MAP3K5: variants seen among roughly 807,000 people sequenced by gnomAD.
MAP3K5 encodes mitogen-activated protein kinase kinase kinase 5, also known as ASK-1.
MAP3K5 carries 56 observed loss-of-function variants against 158.7 expected under a neutral mutation model. The ratio of observed to expected loss-of-function variants is 0.35; its 90% CI spans 0.28 to 0.44. The LOEUF (loss-of-function observed/expected upper bound fraction) is 0.44. MAP3K5 is among the 20% of genes least tolerant of loss of function. MAP3K5 has a pLI of 1.00. For synonymous variants in MAP3K5, 579 were observed against 601.7 expected (o/e 0.96, Z 0.55); for missense variants, 1,294 against 1,674.8 (o/e 0.77, Z 3.97).
At position 136,752,309 on chromosome 6, in the gene MAP3K5, GGT is replaced by G. The variant is rs138446566; in HGVS notation, c.449-31722_449-31721del. 2.2e-3 allele frequency among the ~76,000 whole-genome samples: 339 copies of G among 152,244 alleles called. 9 individuals are homozygous for G. In the South Asian group the frequency reaches 0.033, roughly 15 times the overall value. On this transcript the variant is annotated intron_variant, in intron 1 of 29. Transcript: ENST00000359015. Reference sequence around the variant, plus strand: ...TAAGGGCTGTATTAGAAACAGGGATGGTGCCGAGGAAACAACACAGTCAGAGA... The same window carrying G: ...TAAGGGCTGTATTAGAAACAGGGATGGCCGAGGAAACAACACAGTCAGAGA...
chr6:136,700,355 A>G (rs1780798776), intron 3 of MAP3K5, among the ~76,000 whole-genome samples: 1 of 152,144 alleles, frequency 6.6e-6, no homozygotes, highest in Non-Finnish European at 1.5e-5. Flanking sequence ...GCGTGACTGA[A>G]GAAGAAGGAA....
intron 21 of MAP3K5, among the ~76,000 whole-genome samples, chr6:136,595,994 C>T (rs1351834749): frequency 1.3e-5 from 2 of 152,082 alleles, no homozygotes; most frequent in Non-Finnish European, 2.9e-5. Flanking sequence ...GCCAGCAAGA[C>T]TCCATCTAAA....
At chr6:136,580,517 A>G in intron 24 of MAP3K5, 111 bp from the exon 25 acceptor site, 2 of 604,606 alleles carry the variant, frequency 3.3e-6, no homozygotes, top group Admixed American at 5.4e-5. Context: ...AGTTTCTTCA[A>G]CTTGAATTCT....
At chr6:136,688,862 C>CGAAA (rs1481470876) in intron 7 of MAP3K5, among the ~76,000 whole-genome samples, 1 of 152,118 alleles carries the variant, frequency 6.6e-6, no homozygotes, top group Non-Finnish European at 1.5e-5. Flanking sequence ...TTGTCACATA[C>CGAAA]GAAAGCATTT....
intron 1 of MAP3K5, among the ~76,000 whole-genome samples, chr6:136,788,726 C>T (rs1784945879): frequency 1.3e-5 from 2 of 152,258 alleles, no homozygotes; most frequent in South Asian, 4.2e-4. Flanking sequence ...GTCAGAATGG[C>T]TTTTGTTAAA....
Position 136,669,282 on chromosome 6 carries a change from C to T in MAP3K5, c.1366+1G>A. 6.2e-7 allele frequency: 1 copy of T among 1,601,786 alleles called. No homozygotes were observed. Among genetic ancestry groups the T allele is most frequent in the Non-Finnish European group, 8.6e-7 (1 of 1,169,424 alleles). On this transcript the variant is annotated splice_donor_variant, in intron 8 of 29. Transcript: ENST00000359015. LOFTEE classifies it high-confidence loss of function. ...CATGTAAAATATCAAGTTGTAATTA[C>T]CAACTTTCCGGAGCTCAAAGGAAGA...
intron 21 of MAP3K5, among the ~76,000 whole-genome samples, chr6:136,598,785 T>A (rs1202871326): frequency 6.6e-6 from 1 of 152,132 alleles, no homozygotes; most frequent in Non-Finnish European, 1.5e-5. Context: ...GAGGCCTGTA[T>A]CTTGTACTCA....
At chr6:136,746,339 C>T (rs568506457) in intron 1 of MAP3K5, among the ~76,000 whole-genome samples, 114 of 152,006 alleles carry the variant, frequency 7.5e-4, no homozygotes, top group African/African-American at 2.3e-3. Context: ...CTGTGAAAAA[C>T]GATACAGGTG....
In MAP3K5 at chr6:136,584,386, G is replaced by T. The variant is rs1204893464; in HGVS notation, c.3226-646C>A. On this transcript the variant is annotated intron_variant, in intron 23 of 29. Coordinates refer to ENST00000359015, the MANE Select transcript of MAP3K5 (RefSeq NM_005923.4). ...ACTGGGCAATTTACAAAAGAAAGAG[G>T]TTTAATTGGACTTACAGTTCCACGT... The T allele has an allele frequency of 2.0e-5, 3 of 153,824 alleles. No individual in the cohort carries two copies. The Admixed American group carries it at 2.0e-4, about 10-fold the overall frequency. The allele number at this position is 153,824 out of a possible 1,614,324, so 9.5% of individuals were successfully genotyped here.
chr6:136,621,337 T>C (rs997981037), intron 15 of MAP3K5, among the ~76,000 whole-genome samples: 2 of 152,160 alleles, frequency 1.3e-5, no homozygotes, highest in African/African-American at 4.8e-5. Flanking sequence ...GCACAATCTC[T>C]ACCTTTCCAT....
intron 24 of MAP3K5, among the ~76,000 whole-genome samples, chr6:136,582,987 C>T (rs186090103): frequency 2.6e-4 from 40 of 152,306 alleles, no homozygotes; most frequent in African/African-American, 9.6e-4. Context: ...AGCAATCTCT[C>T]ATTAGATCAT....
At chr6:136,738,731 C>T (rs753445208) in intron 1 of MAP3K5, among the ~76,000 whole-genome samples, 6 of 152,154 alleles carry the variant, frequency 3.9e-5, no homozygotes, top group Non-Finnish European at 8.8e-5. Flanking sequence ...AGCTGAAGTG[C>T]TGGTGAGAAC....
intron 1 of MAP3K5, among the ~76,000 whole-genome samples, chr6:136,742,543 A>G (rs989042189): frequency 3.9e-5 from 6 of 152,192 alleles, no homozygotes; most frequent in African/African-American, 1.4e-4. Context: ...AAAAACTATA[A>G]AACTCCTGGA....
Position 136,659,256 on chromosome 6 carries a change from C to T in MAP3K5, c.1489G>A (p.Ala497Thr), listed in dbSNP as rs1288667929. The T allele has an allele frequency of 3.1e-6, 5 of 1,613,956 alleles. No homozygotes were observed. The highest frequency in any genetic ancestry group is 3.4e-6 in the Non-Finnish European group (4 of 1,179,998). ...TTCAGTTTAAAAAGCTTTTCAGATG[C>T]TTGAATGACTCTCATGTGGTCATTG... ...LANDHMRVIQ[A>T]SEKLFKLKTP... The change falls in exon 9 of 30, where the codon GCA (alanine) becomes ACA (threonine). Residue 497 changes from alanine to threonine, a missense_variant. Around this residue, in one of 5 missense-constraint regions of MAP3K5, gnomAD observed 690 missense variants for 870.5 expected, o/e 0.79. Transcript: ENST00000359015.
In MAP3K5 at chr6:136,669,233, A is replaced by C. The variant is rs755432768; in HGVS notation, c.1366+50T>G. 2.6e-6 allele frequency: 3 copies of C among 1,163,252 alleles called. No homozygotes were observed. In the Admixed American group the frequency reaches 5.2e-5, roughly 20 times the overall value. The allele number at this position is 1,163,252 out of a possible 1,614,324, so 72.1% of individuals were successfully genotyped here. On this transcript the variant is annotated intron_variant, in intron 8 of 29. Coordinates refer to ENST00000359015, the MANE Select transcript of MAP3K5 (RefSeq NM_005923.4). ...TTCATGATTCTTTTTCTTTGCACCA[A>C]GTTGGGTCCAGTTTCTTGATTTCCA... is the stretch of plus-strand genomic sequence containing the variant.
chr6:136,567,250 C>T (rs951152728), intron 26 of MAP3K5, among the ~76,000 whole-genome samples: 1 of 152,188 alleles, frequency 6.6e-6, no homozygotes, highest in African/African-American at 2.4e-5. Context: ...CCTCAGTGAT[C>T]TTCCTCTCCT....
At chr6:136,641,553 T>G (rs1777935193) in intron 12 of MAP3K5, among the ~76,000 whole-genome samples, 1 of 152,092 alleles carries the variant, frequency 6.6e-6, no homozygotes, top group Non-Finnish European at 1.5e-5. Flanking sequence ...TGGCATTTTC[T>G]AAGCTACTGG....
intron 21 of MAP3K5, among the ~76,000 whole-genome samples, chr6:136,597,271 C>A (rs912783773): frequency 6.6e-6 from 1 of 152,156 alleles, no homozygotes; most frequent in Non-Finnish European, 1.5e-5. Context: ...CCTATGGACT[C>A]CAGATTGCTG....
intron 1 of MAP3K5, among the ~76,000 whole-genome samples, chr6:136,732,576 G>A (rs1417002733): frequency 1.3e-5 from 2 of 152,208 alleles, no homozygotes; most frequent in African/African-American, 2.4e-5. Flanking sequence ...GTAGCCAACA[G>A]AAAGGAAAGC....
Sources: gnomAD v4.1 joint callset for allele counts (sites outside exome capture counted in the v4.1 genomes callset) on GRCh38, gnomAD v4.1.1 for gene constraint, gnomAD v4.1.1 regional missense constraint, MANE v1.5 for transcripts, NCBI Gene and HGNC (gene_info 2026-07-23, HGNC 2026-07-21) for gene names.